DYSF: variants seen among roughly 807,000 people sequenced by gnomAD.
The protein encoded by DYSF is dysferlin, also known as dystrophy-associated fer-1-like 1.
DYSF carries 212 observed loss-of-function variants against 274.9 expected under a neutral mutation model. The observed-to-expected ratio is 0.77, with a 90% CI of 0.69 to 0.86. The LOEUF is 0.86. Among genes scored for constraint, DYSF ranks in the 40% least tolerant of loss-of-function variants. DYSF has a pLI of 0.00. For missense variants in DYSF, 2,666 were observed against 2,783.2 expected (o/e 0.96, Z 0.95); for synonymous variants, 1,091 against 1,078.7 (o/e 1.01, Z -0.22).
At chr2:71,487,299 T>C (rs1464836792) in intron 3 of DYSF, among the ~76,000 whole-genome samples, 1 of 152,118 alleles carries the variant, frequency 6.6e-6, no homozygotes, top group African/African-American at 2.4e-5. Flanking sequence ...AGCTTTAGAT[T>C]TTTGGAACAG....
At chr2:71,617,893 A>AGGTGG (rs2093940238) in intron 40 of DYSF, among the ~76,000 whole-genome samples, 7 of 46,300 alleles carry the variant, frequency 1.5e-4, no homozygotes, top group Admixed American at 2.8e-4. Context: ...TGTGTGGTAG[A>AGGTGG]GGTGTGTTTG....
chr2:71,679,733 T>A (rs1268592008), intron 53 of DYSF, among the ~76,000 whole-genome samples: 1 of 152,160 alleles, frequency 6.6e-6, no homozygotes, highest in Non-Finnish European at 1.5e-5. Flanking sequence ...CTTAGAAATT[T>A]CAGGCAGCCA....
rs1176279921 is a variant in DYSF, at chr2:71,551,151, G to T, written c.1687G>T (p.Gly563Cys). Reference protein sequence around the residue: ...FPDPYTELNTGKGEGVAYRGR... With the variant: ...FPDPYTELNTCKGEGVAYRGR... Reference sequence around the variant, plus strand: ...AGACCCCTACACAGAGCTCAACACAGGCAAGGTAAGCCGGCTGGAGCCCTG... The same window carrying T: ...AGACCCCTACACAGAGCTCAACACATGCAAGGTAAGCCGGCTGGAGCCCTG... The change falls in exon 18 of 56, where the codon GGC becomes TGC. Residue 563 changes from glycine to cysteine, a missense_variant. By Grantham distance (159) the Gly-to-Cys change is radical. Coordinates refer to ENST00000410020, the MANE Select transcript of DYSF (RefSeq NM_001130987.2). 1 of 1,614,028 alleles carries T rather than the reference G, an allele frequency of 6.2e-7. No individual in the cohort carries two copies. Among genetic ancestry groups the T allele is most frequent in the African/African-American group, 1.3e-5 (1 of 74,940 alleles).
At chr2:71,538,392 G>A (rs2089601266) in intron 16 of DYSF, among the ~76,000 whole-genome samples, 1 of 152,172 alleles carries the variant, frequency 6.6e-6, no homozygotes, top group Admixed American at 6.5e-5. Flanking sequence ...CCCTACCCTG[G>A]TTGGGGAGCC....
intron 42 of DYSF, among the ~76,000 whole-genome samples, chr2:71,654,593 G>A (rs1558738088): frequency 6.6e-6 from 1 of 151,908 alleles, no homozygotes; most frequent in Non-Finnish European, 1.5e-5. Context: ...GACCAGCCTA[G>A]GCAACATAGC....
At chr2:71,472,125 A>G (rs944412986) in intron 1 of DYSF, among the ~76,000 whole-genome samples, 60 of 152,326 alleles carry the variant, frequency 3.9e-4, no homozygotes, top group Admixed American at 3.6e-3. Flanking sequence ...TTTAGGTTAT[A>G]TAAGTGTTTA....
chr2:71,639,974 C>G (rs953470146), intron 41 of DYSF, among the ~76,000 whole-genome samples: 4 of 152,226 alleles, frequency 2.6e-5, no homozygotes, highest in Non-Finnish European at 4.4e-5. Flanking sequence ...TGAGCACTCT[C>G]TCTATATTGA....
At chr2:71,681,886 G>A (rs996268903) in intron 54 of DYSF, among the ~76,000 whole-genome samples, 1 of 152,238 alleles carries the variant, frequency 6.6e-6, no homozygotes, top group Admixed American at 6.5e-5. Context: ...GCAGAGCAGT[G>A]AGAGGCACCC....
intron 3 of DYSF, among the ~76,000 whole-genome samples, chr2:71,486,557 T>C (rs2083382294): frequency 6.6e-6 from 1 of 152,178 alleles, no homozygotes; most frequent in African/African-American, 2.4e-5. Context: ...TAGGGTGATC[T>C]TGTTAAACCA....
chr2:71,564,069 C>T lies in DYSF; in HGVS notation c.2421C>T (p.Ser807=), dbSNP rs560856407. The change falls in exon 24 of 56, where the codon AGC becomes AGT. Residue 807 remains serine (S), a synonymous_variant. Transcript: ENST00000410020. ...CACCCTCTGTTCAGCCCCAGAACAG[C>T]CTGCCGGACATCGTCATCTGGATGC... ...LRALAEEPQN[S]LPDIVIWMLQ... 598 of 1,614,176 alleles carry T rather than the reference C, an allele frequency of 3.7e-4. 11 individuals are homozygous for T. In the South Asian group the frequency reaches 6.2e-3, roughly 17 times the overall value.
intron 32 of DYSF, among the ~76,000 whole-genome samples, chr2:71,593,678 G>C (rs1382949337): frequency 2.0e-5 from 3 of 152,170 alleles, no homozygotes; most frequent in Non-Finnish European, 2.9e-5. Context: ...AGGGAACCAG[G>C]GAAGAAGGTG....
At chr2:71,473,527 G>A (rs558721237) in intron 1 of DYSF, among the ~76,000 whole-genome samples, 20 of 152,204 alleles carry the variant, frequency 1.3e-4, no homozygotes, top group African/African-American at 4.6e-4. Context: ...CTGTCTCTCT[G>A]TCTCTCTCAC....
intron 1 of DYSF, among the ~76,000 whole-genome samples, chr2:71,459,302 G>T (rs1384537375): frequency 6.6e-6 from 1 of 152,206 alleles, no homozygotes; most frequent in Non-Finnish European, 1.5e-5. Context: ...TTAGGAGAAT[G>T]TGGCCAGAGG....
At chr2:71,626,316 T>C (rs1327171367) in intron 41 of DYSF, among the ~76,000 whole-genome samples, 5 of 149,942 alleles carry the variant, frequency 3.3e-5, no homozygotes, top group Non-Finnish European at 5.9e-5. Flanking sequence ...CTGTTTTTTT[T>C]CATGAATGTT....
chr2:71,504,060 TG>T (rs1448029742), intron 4 of DYSF, among the ~76,000 whole-genome samples: 7 of 152,282 alleles, frequency 4.6e-5, no homozygotes, highest in Non-Finnish European at 7.4e-5. Flanking sequence ...TACTGCCCCG[TG>T]GCGGGTGTGT....
chr2:71,470,317 G>A (rs1016070377), intron 1 of DYSF, among the ~76,000 whole-genome samples: 2 of 152,182 alleles, frequency 1.3e-5, no homozygotes, highest in Non-Finnish European at 2.9e-5. Context: ...TGTAGGGAAA[G>A]TGGGCTGAAG....
chr2:71,453,925 C>G, exon 1 of DYSF: 1 of 1,454,194 alleles, frequency 6.9e-7, no homozygotes, highest in East Asian at 2.3e-5. Flanking sequence ...GACCCACAAG[C>G]GGCGCCTCGG....
At chr2:71,558,268 G>A (rs1331331267) in intron 22 of DYSF, among the ~76,000 whole-genome samples, 2 of 152,098 alleles carry the variant, frequency 1.3e-5, no homozygotes, top group Non-Finnish European at 2.9e-5. Context: ...GAGAGGGTCA[G>A]CAGGAGGAGG....
chr2:71,562,063 C>T, intron 23 of DYSF, 119 bp downstream of exon 23: 1 of 1,395,110 alleles, frequency 7.2e-7, no homozygotes, highest in Non-Finnish European at 9.8e-7. Flanking sequence ...TGCTGGGTGA[C>T]CTTGGGCAGG....
Sources: gnomAD v4.1 joint callset for allele counts (sites outside exome capture counted in the v4.1 genomes callset) on GRCh38, gnomAD v4.1.1 for gene constraint, MANE v1.5 for transcripts, NCBI Gene and HGNC (gene_info 2026-07-23, HGNC 2026-07-21) for gene names.